Variants in HTR2C observed in about 807,000 individuals in gnomAD.
HTR2C encodes the protein 5-hydroxytryptamine (serotonin) receptor 2C, G protein-coupled.
HTR2C carries 5 observed loss-of-function variants against 21.0 expected under a neutral mutation model. The ratio of observed to expected loss-of-function variants is 0.24; its 90% CI spans 0.12 to 0.50. The LOEUF is 0.50. Ranked by LOEUF, HTR2C falls within the 20% of genes least tolerant of loss-of-function variation. The probability of loss-of-function intolerance (pLI) is 0.98; values close to 1 mark genes in which losing one functional copy is unlikely to be tolerated. For synonymous variants in HTR2C, 150 were observed against 145.3 expected (o/e 1.03, Z -0.23); for missense variants, 271 against 371.2 (o/e 0.73, Z 2.22).
At chrX:114,614,413 C>A (rs1928870771) in intron 2 of HTR2C, among the ~76,000 whole-genome samples, 1 of 110,126 alleles carries the variant, frequency 9.1e-6, no homozygotes, top group African/African-American at 3.3e-5. Flanking sequence ...GTGCATGCCA[C>A]CACACCAGGC....
At chrX:114,627,253 G>A (rs1379303713) in intron 2 of HTR2C, among the ~76,000 whole-genome samples, 2 of 111,104 alleles carry the variant, frequency 1.8e-5, no homozygotes, top group African/African-American at 6.5e-5. Context: ...GAAGAGTCCA[G>A]AACTAGTAGT....
intron 2 of HTR2C, among the ~76,000 whole-genome samples, chrX:114,706,679 G>T (rs920029692): frequency 1.9e-5 from 2 of 106,988 alleles, no homozygotes; most frequent in East Asian, 6.0e-4. Context: ...CCTACACATT[G>T]TACACATGTA....
intron 4 of HTR2C, among the ~76,000 whole-genome samples, chrX:114,810,354 CAT>C (rs1366015308): frequency 9.0e-6 from 1 of 111,502 alleles, no homozygotes; most frequent in Non-Finnish European, 1.9e-5. Context: ...GGACTTGCCT[CAT>C]AGCCTAGACT....
chrX:114,877,296 C>G (rs782472183), intron 5 of HTR2C, among the ~76,000 whole-genome samples: 12 of 110,803 alleles, frequency 1.1e-4, no homozygotes, highest in African/African-American at 3.6e-4. Flanking sequence ...GCAATGTCTG[C>G]TCTTTCATTT....
chrX:114,830,270 C>T (rs1195464495), intron 4 of HTR2C, among the ~76,000 whole-genome samples: 1 of 111,239 alleles, frequency 9.0e-6, no homozygotes, highest in African/African-American at 3.3e-5. Context: ...TCCTCTTGTC[C>T]CCTGGGAAGA....
At chrX:114,808,805 G>A (rs1411290382) in intron 4 of HTR2C, among the ~76,000 whole-genome samples, 1 of 111,457 alleles carries the variant, frequency 9.0e-6, no homozygotes, top group Non-Finnish European at 1.9e-5. Context: ...CGCATTGTTC[G>A]ATTATTTTAC....
intron 2 of HTR2C, among the ~76,000 whole-genome samples, chrX:114,703,738 CA>C (rs1381022431): frequency 3.6e-5 from 4 of 110,419 alleles, no homozygotes; most frequent in East Asian, 2.9e-4. Flanking sequence ...AATAGAGACA[CA>C]AAAAACCCTT....
intron 5 of HTR2C, among the ~76,000 whole-genome samples, chrX:114,894,266 G>A (rs1003987019): frequency 9.0e-6 from 1 of 111,423 alleles, no homozygotes; most frequent in Non-Finnish European, 1.9e-5. Context: ...TATATCAAAC[G>A]TTTATCAACA....
chrX:114,697,985 T>C (rs2147864857), intron 2 of HTR2C, among the ~76,000 whole-genome samples: 1 of 111,987 alleles, frequency 8.9e-6, no homozygotes, highest in South Asian at 3.7e-4. Context: ...GCTTTCATGC[T>C]AATTCAAGTC....
chrX:114,759,418 T>A (rs1174530321), intron 4 of HTR2C, among the ~76,000 whole-genome samples: 2 of 111,446 alleles, frequency 1.8e-5, no homozygotes, highest in Non-Finnish European at 1.9e-5. Context: ...TAACACATTG[T>A]AAGGTTTAGA....
At chrX:114,808,679 C>A (rs2070502473) in intron 4 of HTR2C, among the ~76,000 whole-genome samples, 1 of 111,531 alleles carries the variant, frequency 9.0e-6, no homozygotes, top group Non-Finnish European at 1.9e-5. Flanking sequence ...TGAGATGATA[C>A]CTTACTGTAG....
At chrX:114,622,634 G>A (rs1195573912) in intron 2 of HTR2C, among the ~76,000 whole-genome samples, 2 of 111,733 alleles carry the variant, frequency 1.8e-5, no homozygotes, top group African/African-American at 6.5e-5. Flanking sequence ...AATAAATGCT[G>A]AATTTTACTA....
intron 4 of HTR2C, among the ~76,000 whole-genome samples, chrX:114,818,422 T>C (rs2070603930): frequency 8.9e-6 from 1 of 112,277 alleles, no homozygotes; most frequent in Non-Finnish European, 1.9e-5. Context: ...ATGTCTTTCA[T>C]GAAAGCTAAT....
At chrX:114,628,128 A>G (rs188961650) in intron 2 of HTR2C, among the ~76,000 whole-genome samples, 14 of 112,379 alleles carry the variant, frequency 1.2e-4, no homozygotes, top group Admixed American at 1.1e-3. Context: ...TTTGATGGAA[A>G]TATTTAAGTA....
chrX:114,754,814 G>A (rs2069795187), intron 4 of HTR2C, among the ~76,000 whole-genome samples: 1 of 111,877 alleles, frequency 8.9e-6, no homozygotes, highest in African/African-American at 3.2e-5. Flanking sequence ...CTCTGCAAAA[G>A]AGCCCTTTAA....
intron 1 of HTR2C, among the ~76,000 whole-genome samples, chrX:114,598,536 A>C (rs1556393297): frequency 1.8e-5 from 2 of 111,506 alleles, no homozygotes; most frequent in Non-Finnish European, 3.8e-5. Flanking sequence ...TATAGTTAGG[A>C]GTCATATGAA....
intron 4 of HTR2C, among the ~76,000 whole-genome samples, chrX:114,750,704 G>A (rs920351012): frequency 1.8e-5 from 2 of 112,244 alleles, no homozygotes; most frequent in African/African-American, 3.2e-5. Flanking sequence ...CACATAATTC[G>A]TATATTGTAG....
At chrX:114,707,720 G>T (rs1441081796) in intron 2 of HTR2C, among the ~76,000 whole-genome samples, 2 of 110,730 alleles carry the variant, frequency 1.8e-5, no homozygotes, top group Non-Finnish European at 3.8e-5. Context: ...TATGACTTAA[G>T]TAAGTGACTT....
At chrX:114,586,855 T>C (rs1222656183) in intron 1 of HTR2C, among the ~76,000 whole-genome samples, 1 of 111,027 alleles carries the variant, frequency 9.0e-6, no homozygotes, top group Non-Finnish European at 1.9e-5. Flanking sequence ...ATGACGGAGA[T>C]ATTATTATCC....
Sources: allele counts gnomAD v4.1 joint callset (sites outside exome capture counted in the v4.1 genomes callset), GRCh38; gene constraint gnomAD v4.1.1; transcripts MANE v1.5; gene names NCBI Gene and HGNC (gene_info 2026-07-23, HGNC 2026-07-21).